LARP1B: variants seen among roughly 807,000 people sequenced by gnomAD.
The protein encoded by LARP1B is La ribonucleoprotein 1B, also known as la-related protein 1B.
A neutral mutation model predicts 114.2 loss-of-function variants in LARP1B; 76 were observed. The observed-to-expected ratio is 0.67, with a 90% CI of 0.55 to 0.81. The LOEUF is 0.81. Among genes scored for constraint, LARP1B ranks in the 30% least tolerant of loss-of-function variants. The probability of loss-of-function intolerance (pLI) is 0.00; values close to 1 mark genes in which losing one functional copy is unlikely to be tolerated. For missense variants in LARP1B, 1,014 were observed against 1,075.8 expected (o/e 0.94, Z 0.80); for synonymous variants, 345 against 348.0 (o/e 0.99, Z 0.10).
intron 14 of LARP1B, among the ~76,000 whole-genome samples, chr4:128,179,019 A>G (rs954302328): frequency 6.6e-6 from 1 of 152,160 alleles, no homozygotes; most frequent in African/African-American, 2.4e-5. Flanking sequence ...TTGAGCCTGT[A>G]GGGGTCAGGG....
chr4:128,219,718 C>T (rs895419398), intron 6 of LARP1B, among the ~76,000 whole-genome samples: 2 of 145,328 alleles, frequency 1.4e-5, no homozygotes, highest in East Asian at 2.0e-4. Context: ...GTGGGTGCAG[C>T]GCACCAGCAT....
intron 8 of LARP1B, among the ~76,000 whole-genome samples, chr4:128,100,811 TTTTTTGTTTTTTG>T (rs1251779975): frequency 2.6e-5 from 4 of 151,410 alleles, no homozygotes; most frequent in Non-Finnish European, 5.9e-5. Context: ...TTTTCTTTTT[TTTTTTGTTTTTTG>T]TTTTTGTTTT....
At chr4:128,187,188 C>T (rs927123827) in intron 15 of LARP1B, among the ~76,000 whole-genome samples, 5 of 152,214 alleles carry the variant, frequency 3.3e-5, no homozygotes, top group African/African-American at 1.2e-4. Flanking sequence ...AAGAGGGCCA[C>T]TGTCCTCCAG....
At chr4:128,178,000 C>T (rs2150650082) in intron 13 of LARP1B, among the ~76,000 whole-genome samples, 1 of 138,702 alleles carries the variant, frequency 7.2e-6, no homozygotes, top group South Asian at 2.3e-4. Context: ...CAAATTAGAG[C>T]TATGTAAATA....
At position 128,107,256 on chromosome 4, in the gene LARP1B, T is replaced by A; in HGVS notation, c.931T>A (p.Ser311Thr). The A allele has an allele frequency of 6.2e-7, 1 of 1,614,170 alleles. No homozygotes were observed. The highest frequency in any genetic ancestry group is 8.5e-7 in the Non-Finnish European group (1 of 1,180,004). ...PPRSVPPTDF[S>T]QLIDCPEFVP... ...ACGCAGTGTGCCACCAACAGACTTC[T>A]CTCAACTGATTGATTGTCCAGAGTT... The change falls in exon 9 of 20, where the codon TCT (serine) becomes ACT (threonine). Residue 311 changes from serine to threonine, a missense_variant. Physicochemically the swap from Ser to Thr is moderately conservative, Grantham distance 58. Transcript: ENST00000326639.
intron 1 of LARP1B, among the ~76,000 whole-genome samples, chr4:128,066,279 C>G (rs1364252996): frequency 2.7e-5 from 4 of 149,924 alleles, no homozygotes; most frequent in African/African-American, 9.8e-5. Flanking sequence ...CGGGTTCACA[C>G]TGTTCTCCTG....
chr4:128,069,083 G>A (rs1008882284), intron 1 of LARP1B: 2 of 1,026,000 alleles, frequency 1.9e-6, no homozygotes, highest in South Asian at 1.3e-5. Flanking sequence ...CACCAATAGT[G>A]TGGTGGCACT....
chr4:128,154,537 C>G (rs915829946), intron 11 of LARP1B, among the ~76,000 whole-genome samples: 40 of 152,288 alleles, frequency 2.6e-4, no homozygotes, highest in African/African-American at 9.1e-4. Flanking sequence ...AAATTTGTAT[C>G]CATAAATACC....
chr4:128,205,126 G>A (rs983530037), intron 17 of LARP1B, among the ~76,000 whole-genome samples: 3 of 152,232 alleles, frequency 2.0e-5, no homozygotes, highest in African/African-American at 7.2e-5. Context: ...TCAGGTTGCT[G>A]TATAAGTGTG....
intron 1 of LARP1B, among the ~76,000 whole-genome samples, chr4:128,065,287 TTC>T (rs1266523175): frequency 1.5e-5 from 2 of 136,254 alleles, no homozygotes; most frequent in Admixed American, 7.8e-5. Flanking sequence ...CTTTCTTTCT[TTC>T]TTTCTTTCTT....
chr4:128,112,937 A>G (rs140731748), intron 9 of LARP1B, among the ~76,000 whole-genome samples: 1 of 152,226 alleles, frequency 6.6e-6, no homozygotes, highest in Non-Finnish European at 1.5e-5. Context: ...ATCTATGTCT[A>G]GCATGTAGAT....
rs757193891 is a variant in LARP1B at position 128,209,872 on chromosome 4, A to C, written c.2564A>C (p.Glu855Ala). The C allele has an allele frequency of 6.2e-6, 10 of 1,613,804 alleles. No individual in the cohort carries two copies. Among genetic ancestry groups the C allele is most frequent in the Non-Finnish European group, 7.6e-6 (9 of 1,179,776 alleles). The stretch of plus-strand genomic sequence containing the variant: ...CATTTGCAGCCCCCTATTAGTGATG[A>C]ATTTGGAAGAAAAAGACATTCCTCT... ...DFRVDPPISD[E>A]FGRKRHSSTS... The change falls in exon 20 of 20, where the codon GAA (glutamate) becomes GCA (alanine). Residue 855 changes from glutamate to alanine, a missense_variant. Transcript: ENST00000326639.
intron 15 of LARP1B, among the ~76,000 whole-genome samples, chr4:128,197,475 C>A (rs950662122): frequency 2.0e-5 from 3 of 152,180 alleles, no homozygotes; most frequent in Admixed American, 6.5e-5. Context: ...GCGGGCAGAT[C>A]ACGAGGTCAA....
chr4:128,112,816 T>C (rs1053187582), intron 9 of LARP1B, among the ~76,000 whole-genome samples: 2 of 152,126 alleles, frequency 1.3e-5, no homozygotes, highest in Non-Finnish European at 2.9e-5. Flanking sequence ...GCTTTTCCTG[T>C]TATGAAACAA....
At chr4:128,111,942 G>A (rs150434454) in intron 9 of LARP1B, among the ~76,000 whole-genome samples, 32 of 151,290 alleles carry the variant, frequency 2.1e-4, no homozygotes, top group African/African-American at 7.5e-4. Context: ...TGCCTGCCTC[G>A]GCCTCCCAAA....
intron 9 of LARP1B, chr4:128,108,450 T>C: frequency 1.0e-6 from 1 of 985,146 alleles, no homozygotes; most frequent in Non-Finnish European, 1.2e-6. Flanking sequence ...AAGAACTGGA[T>C]GAGGTTATTT....
chr4:128,075,551 T>C (rs532264879), intron 3 of LARP1B, among the ~76,000 whole-genome samples: 1 of 151,988 alleles, frequency 6.6e-6, no homozygotes, highest in Non-Finnish European at 1.5e-5. Context: ...TCTTTTCTTT[T>C]TTTTTTTTTC....
At chr4:128,174,239 A>G (rs986158633) in intron 12 of LARP1B, among the ~76,000 whole-genome samples, 2 of 152,118 alleles carry the variant, frequency 1.3e-5, no homozygotes, top group African/African-American at 2.4e-5. Context: ...GAGATGGCAT[A>G]TGCTTTTGAG....
At chr4:128,062,543 T>C (rs1245827196) in intron 1 of LARP1B, among the ~76,000 whole-genome samples, 1 of 150,846 alleles carries the variant, frequency 6.6e-6, no homozygotes, top group Non-Finnish European at 1.5e-5. Context: ...CTTGGGAAAG[T>C]AGCTAACTTT....
Sources: allele counts gnomAD v4.1 joint callset (sites outside exome capture counted in the v4.1 genomes callset), GRCh38; gene constraint gnomAD v4.1.1; transcripts MANE v1.5; gene names NCBI Gene and HGNC (gene_info 2026-07-23, HGNC 2026-07-21).